Variants in SYNE1 observed in about 807,000 individuals in gnomAD.
SYNE1 encodes spectrin repeat containing nuclear envelope protein 1.
In SYNE1, 616 loss-of-function variants were observed where a neutral mutation model predicts 1,111.0. That is an observed-to-expected ratio of 0.55 (90% CI 0.52 to 0.59). The LOEUF (loss-of-function observed/expected upper bound fraction) is 0.59. Ranked by LOEUF, SYNE1 falls within the 20% of genes least tolerant of loss-of-function variation. The pLI is 0.00. For synonymous variants in SYNE1, 3,855 were observed against 3,825.8 expected (o/e 1.01, Z -0.28); for missense variants, 10,006 against 10,417.0 (o/e 0.96, Z 1.72).
chr6:152,552,517 A>G (rs2099350835), intron 3 of SYNE1, among the ~76,000 whole-genome samples: 1 of 151,342 alleles, frequency 6.6e-6, no homozygotes, highest in Non-Finnish European at 1.5e-5. Context: ...AATTTGACAC[A>G]ATTTCACCTA....
At chr6:152,396,738 G>T in intron 50 of SYNE1, 37 bp downstream of exon 50, 1 of 1,571,080 alleles carries the variant, frequency 6.4e-7, no homozygotes, top group African/African-American at 1.3e-5. Flanking sequence ...AACACACTTG[G>T]TGTATGATGA....
At chr6:152,415,746 G>A (rs537326075) in intron 41 of SYNE1, among the ~76,000 whole-genome samples, 13 of 128,650 alleles carry the variant, frequency 1.0e-4, no homozygotes, top group Admixed American at 3.6e-4. Context: ...ATTTTAGTAC[G>A]TCTCAAGTGT....
At chr6:152,312,999 T>C (rs1263913931) in intron 87 of SYNE1, among the ~76,000 whole-genome samples, 1 of 152,168 alleles carries the variant, frequency 6.6e-6, no homozygotes, top group East Asian at 1.9e-4. Flanking sequence ...GGCTACTCCA[T>C]TGACAAAGCA....
rs2098420573 is a variant in SYNE1, at chr6:152,430,691, C to G, written c.4480G>C (p.Glu1494Gln). 12 of 1,614,060 alleles carry G rather than the reference C, an allele frequency of 7.4e-6. No individual in the cohort carries two copies. Among genetic ancestry groups the G allele is most frequent in the Non-Finnish European group, 1.0e-5 (12 of 1,179,974 alleles). Residue 1494 changes from glutamate to glutamine, a missense_variant, in exon 35 of 146, where the codon GAA (glutamate) becomes CAA (glutamine). This residue lies in a region of SYNE1 where 1,971 missense variants were observed against 2,084.1 expected (regional missense o/e 0.95). Transcript: ENST00000367255. The stretch of plus-strand genomic sequence containing the variant: ...CCTACAATGCTGCTGAGCTTACTTT[C>G]TATTTCCTGAATTGTGACCTAATAG... ...SQIKVTIQEIESKLSSIVGLE... is the reference protein window; with the variant it reads ...SQIKVTIQEIQSKLSSIVGLE...
chr6:152,514,402 C>G (rs987292860), intron 6 of SYNE1, among the ~76,000 whole-genome samples: 1 of 152,202 alleles, frequency 6.6e-6, no homozygotes, highest in Non-Finnish European at 1.5e-5. Context: ...TCTGCATGTT[C>G]TCACTCATAA....
chr6:152,178,012 C>T (rs568774427), intron 129 of SYNE1, among the ~76,000 whole-genome samples: 15 of 151,350 alleles, frequency 9.9e-5, no homozygotes, highest in East Asian at 1.9e-4. Flanking sequence ...ACAAAAGAGA[C>T]GCCACAAAGA....
chr6:152,160,620 T>A (rs1024049948), intron 131 of SYNE1, among the ~76,000 whole-genome samples: 3 of 152,174 alleles, frequency 2.0e-5, no homozygotes, highest in Non-Finnish European at 4.4e-5. Context: ...TCCTCTCACT[T>A]TCATGTATGC....
At chr6:152,592,624 G>A (rs561671210) in intron 3 of SYNE1, among the ~76,000 whole-genome samples, 4 of 152,212 alleles carry the variant, frequency 2.6e-5, no homozygotes, top group East Asian at 1.9e-4. Context: ...TCACTGCCAG[G>A]GTGATGGGAT....
At chr6:152,349,951 A>G (rs765854165) in intron 72 of SYNE1, among the ~76,000 whole-genome samples, 6 of 152,204 alleles carry the variant, frequency 3.9e-5, no homozygotes, top group Non-Finnish European at 5.9e-5. Context: ...TGTAAGTCCA[A>G]CAAACCTCTT....
At chr6:152,230,747 A>C (rs1229856729) in intron 114 of SYNE1, 45 bp from the exon 115 acceptor site, 2 of 1,590,778 alleles carry the variant, frequency 1.3e-6, no homozygotes, top group South Asian at 2.2e-5. Flanking sequence ...TATTTTAATA[A>C]AATCAAATCA....
At chr6:152,350,594 A>G (rs750367391) in intron 71 of SYNE1, 24 bp downstream of exon 71, 3 of 1,614,186 alleles carry the variant, frequency 1.9e-6, no homozygotes, top group Middle Eastern at 1.6e-4. Flanking sequence ...AAACCCTTTT[A>G]CGGAGTCTTT....
chr6:152,419,891 T>G (rs1414719269), intron 39 of SYNE1, among the ~76,000 whole-genome samples, 169 bp from the exon 40 acceptor site: 1 of 152,230 alleles, frequency 6.6e-6, no homozygotes, highest in Non-Finnish European at 1.5e-5. Context: ...ACTCACAATC[T>G]TCCCTGTCTC....
chr6:152,416,365 G>C, intron 41 of SYNE1, 22 bp downstream of exon 41: 1 of 1,612,892 alleles, frequency 6.2e-7, no homozygotes, highest in Non-Finnish European at 8.5e-7. Context: ...GAGACAAGTG[G>C]CCGTGACAGT....
intron 104 of SYNE1, among the ~76,000 whole-genome samples, chr6:152,253,818 G>GTTTTTTTTT (rs35951972): frequency 3.2e-4 from 24 of 74,858 alleles, no homozygotes; most frequent in Non-Finnish European, 4.2e-4. Flanking sequence ...TAGTGGTTTG[G>GTTTTTTTTT]TTTTTTTTTT....
Position 152,399,674 on chromosome 6 carries a change from G to A in SYNE1, c.7179C>T (p.Ser2393=). ...TGGCCTGGGTTTTGGAGCACAACTG[G>A]CTCACGGCTTCATGTTTCTTTATCA... The part of the protein sequence containing the change: ...TGLIKKHEAV[S]QLCSKTQASL... Residue 2393 remains serine (S), a synonymous_variant, in exon 48 of 146, where the codon AGC becomes AGT. Transcript: ENST00000367255. 1 of 1,614,120 alleles carries A rather than the reference G, an allele frequency of 6.2e-7. No homozygotes were observed. The highest frequency in any genetic ancestry group is 8.5e-7 in the Non-Finnish European group (1 of 1,179,990).
At chr6:152,391,129 T>C in intron 52 of SYNE1, 148 bp downstream of exon 52, 1 of 1,075,368 alleles carries the variant, frequency 9.3e-7, no homozygotes, top group Non-Finnish European at 1.4e-6. Flanking sequence ...ATGATGCCTC[T>C]GTATCCTTTT....
chr6:152,124,696 A>G lies in SYNE1; in HGVS notation c.26154-2020T>C, dbSNP rs916279934. Among the ~76,000 whole-genome samples the G allele has an allele frequency of 1.0e-3, 6 of 5,886 alleles. No individual in the cohort carries two copies. In the East Asian group the frequency reaches 0.037, roughly 36 times the overall value. 3.9% of individuals were successfully genotyped at this position (5,886 alleles called of 152,430 possible). A position where few individuals can be genotyped will look rare whatever the true frequency, so the allele number is the denominator to read the frequency against. On this transcript the variant is annotated intron_variant, in intron 145 of 145. Transcript: ENST00000367255. ...GAGTTATTCCTAATAAGCTGAGGGA[A>G]AAAAAAAGTATATTTTGTGAAAATA...
chr6:152,182,881 G>T (rs760597410), intron 128 of SYNE1, among the ~76,000 whole-genome samples: 3 of 152,086 alleles, frequency 2.0e-5, no homozygotes, highest in African/African-American at 7.2e-5. Flanking sequence ...AGTTTTTCTG[G>T]GTTGGGTGAC....
At chr6:152,241,527 T>TGTGTGTGTGTGTGTGA (rs59737931) in intron 107 of SYNE1, among the ~76,000 whole-genome samples, 12,714 of 144,934 alleles carry the variant, frequency 0.088, 817 homozygotes, top group African/African-American at 0.16. Context: ...TGTGTGTGTG[T>TGTGTGTGTGTGTGTGA]GTGAAATACG....
Sources: gnomAD v4.1 joint callset for allele counts (sites outside exome capture counted in the v4.1 genomes callset) on GRCh38, gnomAD v4.1.1 for gene constraint, gnomAD v4.1.1 regional missense constraint, MANE v1.5 for transcripts, NCBI Gene and HGNC (gene_info 2026-07-23, HGNC 2026-07-21) for gene names.